PLEKHM1: variants seen among roughly 807,000 people sequenced by gnomAD.
The protein encoded by PLEKHM1 is pleckstrin homology and RUN domain containing M1.
PLEKHM1 carries 28 observed loss-of-function variants against 94.3 expected under a neutral mutation model. The observed-to-expected ratio is 0.30, with a 90% CI of 0.22 to 0.41. The LOEUF (loss-of-function observed/expected upper bound fraction) is 0.41, where lower values mean the gene tolerates loss of function less well. Among genes scored for constraint, PLEKHM1 ranks in the 10% least tolerant of loss-of-function variants. PLEKHM1 has a pLI of 1.00. For synonymous variants in PLEKHM1, 424 were observed against 581.2 expected, an observed-to-expected ratio of 0.73 and a Z score of 3.89; for missense variants, 907 against 1,358.6, an observed-to-expected ratio of 0.67 and a Z score of 5.22.
Position 45,473,415 on chromosome 17 carries a change from C to A in PLEKHM1, c.923+1685G>T, listed in dbSNP as rs1005395834. 5.5e-4 allele frequency among the ~76,000 whole-genome samples: 83 copies of A among 152,050 alleles called. 2 individuals carry two copies. Among genetic ancestry groups the A allele is most frequent in the African/African-American group, 1.9e-3 (78 of 41,490 alleles). The stretch of plus-strand genomic sequence containing the variant: ...GACCAGCCTGGGCAACACAGTGAGA[C>A]CCCCGTCTCTATAAAAAATAAAAAT... On this transcript the variant is annotated intron_variant, in intron 4 of 11. Transcript: ENST00000430334.
At chr17:45,487,549 T>C (rs888288535) in intron 1 of PLEKHM1, among the ~76,000 whole-genome samples, 3 of 152,218 alleles carry the variant, frequency 2.0e-5, no homozygotes, top group Non-Finnish European at 4.4e-5. Flanking sequence ...TGAGACCAGG[T>C]CCTACCAATG....
At chr17:45,482,885 G>C (rs144876203) in intron 1 of PLEKHM1, among the ~76,000 whole-genome samples, 11 of 151,006 alleles carry the variant, frequency 7.3e-5, no homozygotes, top group African/African-American at 2.5e-4. Flanking sequence ...GCAGGTTCGA[G>C]GGGGAGGCTG....
intron 8 of PLEKHM1, among the ~76,000 whole-genome samples, chr17:45,449,726 T>C (rs28970384): frequency 3.2e-3 from 146 of 45,256 alleles, no homozygotes; most frequent in Middle Eastern, 0.016. Context: ...ATTCACCTAC[T>C]TACCTACCCA....
Position 45,453,711 on chromosome 17 carries a change from C to A in PLEKHM1, c.2141G>T (p.Arg714Leu). Residue 714 changes from arginine to leucine, a missense_variant, in exon 7 of 12, where the codon CGC becomes CTC. Arg to Leu is a moderately radical substitution (Grantham distance 102). This residue lies in a region of PLEKHM1 where 477 missense variants were observed against 601.5 expected (regional missense o/e 0.79). Coordinates refer to ENST00000430334, the MANE Select transcript of PLEKHM1 (RefSeq NM_014798.3). This position sits in a 1 kb window ranked among gnomAD's most constrained non-coding sequence, Gnocchi z 4.1. ...CAGCATCTTCTCATTGTTCCTGATG[C>A]GGAAACATTTCAGAGCCTCCAAGGA... The part of the protein sequence containing the change: ...SLSLEALKCF[R>L]IRNNEKMLSD... 6.2e-7 allele frequency: 1 copy of A among 1,613,818 alleles called. No individual in the cohort carries two copies. The highest frequency in any genetic ancestry group is 1.7e-5 in the Admixed American group (1 of 59,996).
chr17:45,474,548 C>T (rs375800579), intron 4 of PLEKHM1, among the ~76,000 whole-genome samples: 2 of 152,220 alleles, frequency 1.3e-5, no homozygotes, highest in African/African-American at 4.8e-5. Flanking sequence ...CGTTATGTTT[C>T]ATCTATTTGT....
At chr17:45,442,466 C>T (rs1392763851) in intron 9 of PLEKHM1, among the ~76,000 whole-genome samples, 1 of 152,148 alleles carries the variant, frequency 6.6e-6, no homozygotes, top group Non-Finnish European at 1.5e-5. Context: ...AGTGCAGTGG[C>T]GTGATCTTGG....
intron 6 of PLEKHM1, 131 bp from the exon 7 acceptor site, chr17:45,454,403 G>A (rs1223184426): frequency 1.4e-5 from 11 of 802,012 alleles, no homozygotes; most frequent in South Asian, 5.8e-5. Context: ...GGCCAGCCAC[G>A]GGGCACTATC....
At chr17:45,460,526 A>T (rs1433438273) in intron 5 of PLEKHM1, 1 of 151,880 alleles carries the variant, frequency 6.6e-6, no homozygotes, top group Admixed American at 6.6e-5. Context: ...AAGTGCTGGG[A>T]TTACAGGCGT....
intron 4 of PLEKHM1, among the ~76,000 whole-genome samples, chr17:45,470,681 C>T (rs1437644046): frequency 5.3e-5 from 8 of 149,604 alleles, no homozygotes; most frequent in Non-Finnish European, 7.4e-5. Context: ...TTATTTGAGA[C>T]TGAGTCTCAC....
At chr17:45,460,758 C>T (rs1176593025) in intron 5 of PLEKHM1, among the ~76,000 whole-genome samples, 4 of 152,192 alleles carry the variant, frequency 2.6e-5, no homozygotes, top group Non-Finnish European at 5.9e-5. Flanking sequence ...GGGGTTTCAC[C>T]ATGTTGGCCA....
At chr17:45,469,450 C>T (rs1377458663) in intron 4 of PLEKHM1, among the ~76,000 whole-genome samples, 1 of 152,320 alleles carries the variant, frequency 6.6e-6, no homozygotes, top group South Asian at 2.1e-4. Flanking sequence ...CCTGAGGCTT[C>T]TTCTGAGGAT....
At chr17:45,481,896 A>ACCTGACTT (rs1342066958) in intron 2 of PLEKHM1, among the ~76,000 whole-genome samples, 1 of 152,120 alleles carries the variant, frequency 6.6e-6, no homozygotes, top group Non-Finnish European at 1.5e-5. Flanking sequence ...CCCCAAAGCT[A>ACCTGACTT]CCTGACTTCC....
chr17:45,458,326 C>A lies in PLEKHM1; in HGVS notation c.1422G>T (p.Arg474Ser), dbSNP rs558775468. The A allele has an allele frequency of 3.7e-6, 6 of 1,613,760 alleles. No homozygotes were observed. The highest frequency in any genetic ancestry group is 2.2e-5 in the South Asian group (2 of 91,062). Reference sequence around the variant, plus strand: ...GAGAAAAATGCCTGTGGAGACCAGGCCTTGACCCTGGAGTCCCCCTGTAAG... The same window carrying A: ...GAGAAAAATGCCTGTGGAGACCAGGACTTGACCCTGGAGTCCCCCTGTAAG... ...IASYRGTPGSRPGLHRHFSQE... is the reference protein window; with the variant it reads ...IASYRGTPGSSPGLHRHFSQE... Residue 474 changes from arginine to serine, a missense_variant, in exon 6 of 12, where the codon AGG becomes AGT. By Grantham distance (110) the Arg-to-Ser change is moderately radical. Transcript: ENST00000430334.
At chr17:45,450,521 A>G in intron 8 of PLEKHM1, 97 bp downstream of exon 8, 1 of 1,526,074 alleles carries the variant, frequency 6.6e-7, no homozygotes, top group Non-Finnish European at 8.9e-7. Context: ...CCTTGTTTAG[A>G]GGAGCCAAAC....
At chr17:45,442,861 C>T (rs1175699776) in intron 9 of PLEKHM1, among the ~76,000 whole-genome samples, 2 of 152,182 alleles carry the variant, frequency 1.3e-5, no homozygotes, top group Non-Finnish European at 1.5e-5. Flanking sequence ...CCCAGAGCCC[C>T]TCAAGGGTGT....
At chr17:45,480,966 T>A (rs946370225) in intron 2 of PLEKHM1, among the ~76,000 whole-genome samples, 1 of 152,258 alleles carries the variant, frequency 6.6e-6, no homozygotes, top group African/African-American at 2.4e-5. Context: ...CATAACCCTA[T>A]GTTTAACTTA....
Position 45,436,725 on chromosome 17 carries a change from C to T in PLEKHM1, c.*1133G>A, listed in dbSNP as rs1313264178. On this transcript the variant is annotated 3_prime_UTR_variant, in exon 12 of 12. Transcript: ENST00000430334. Reference sequence around the variant, plus strand: ...TGCTCCGGGGAACTTCTTCAGTCTCCAGTGTCCCGGCTGGGCAAGTTCAGT... The same window carrying T: ...TGCTCCGGGGAACTTCTTCAGTCTCTAGTGTCCCGGCTGGGCAAGTTCAGT... 1 of 454,154 alleles carries T rather than the reference C, an allele frequency of 2.2e-6. No individual in the cohort carries two copies. The highest frequency in any genetic ancestry group is 2.3e-5 in the Admixed American group (1 of 42,584). The allele number at this position is 454,154 out of a possible 1,614,324, so 28.1% of individuals were successfully genotyped here.
chr17:45,471,923 C>T (rs563626995), intron 4 of PLEKHM1, among the ~76,000 whole-genome samples: 148 of 152,248 alleles, frequency 9.7e-4, no homozygotes, highest in Non-Finnish European at 1.2e-3. Flanking sequence ...ATCCAATCTA[C>T]ACGGAAGAAG....
At position 45,445,247 on chromosome 17, in the gene PLEKHM1, C is replaced by A. The variant is rs556653602; in HGVS notation, c.2837+223G>T. 6.6e-6 allele frequency among the ~76,000 whole-genome samples: 1 copy of A among 152,306 alleles called. No homozygotes were observed. The highest frequency in any genetic ancestry group is 1.9e-4 in the East Asian group (1 of 5,182). On this transcript the variant is annotated intron_variant, in intron 9 of 11. Transcript: ENST00000430334. This position sits in a 1 kb window ranked among gnomAD's most constrained non-coding sequence, Gnocchi z 4.2. ...GTGGACGCCTTGCCCTGGGCACTGC[C>A]CCTGTGTGTGTGTGCATGTGCACGA...
Sources: allele counts gnomAD v4.1 joint callset (sites outside exome capture counted in the v4.1 genomes callset), GRCh38; gene constraint gnomAD v4.1.1; regional missense constraint gnomAD v4.1.1; non-coding constraint Gnocchi (gnomAD v3.1); transcripts MANE v1.5; gene names NCBI Gene and HGNC (gene_info 2026-07-23, HGNC 2026-07-21).